CDK14: variants seen among roughly 807,000 people sequenced by gnomAD.
The protein encoded by CDK14 is cyclin dependent kinase 14, also known as cyclin-dependent kinase 14.
CDK14 carries 34 observed loss-of-function variants against 60.7 expected under a neutral mutation model. The ratio of observed to expected loss-of-function variants is 0.56; its 90% CI spans 0.43 to 0.75. CDK14 has a LOEUF of 0.75. Ranked by LOEUF, CDK14 falls within the 30% of genes least tolerant of loss-of-function variation. CDK14 has a pLI of 0.00. For missense variants in CDK14, 482 were observed against 564.1 expected, an observed-to-expected ratio of 0.85 and a Z score of 1.47; for synonymous variants, 197 against 203.7, an observed-to-expected ratio of 0.97 and a Z score of 0.28.
At chr7:90,957,282 T>C (rs1191878886) in intron 9 of CDK14, among the ~76,000 whole-genome samples, 10 of 152,124 alleles carry the variant, frequency 6.6e-5, no homozygotes, top group South Asian at 4.2e-4. Context: ...ACCTGTTGTT[T>C]CCTGACTTTT....
At chr7:90,669,213 G>T (rs1801051373) in intron 2 of CDK14, among the ~76,000 whole-genome samples, 1 of 152,100 alleles carries the variant, frequency 6.6e-6, no homozygotes. Context: ...TCTATGAAAG[G>T]ACAAAGTCTC....
chr7:90,793,928 C>G (rs1805936168), intron 5 of CDK14, among the ~76,000 whole-genome samples: 1 of 152,212 alleles, frequency 6.6e-6, no homozygotes, highest in African/African-American at 2.4e-5. Context: ...AGTCTCTGCT[C>G]TAATACAATA....
In CDK14 at chr7:91,112,656, G is replaced by T. The variant is rs775794454; in HGVS notation, c.1269G>T (p.Pro423=). The change falls in exon 13 of 15, where the codon CCG becomes CCT. Residue 423 remains proline, a synonymous_variant. Coordinates refer to ENST00000380050, the MANE Select transcript of CDK14 (RefSeq NM_001287135.2). ...ALSHEYFSDL[P]PRLWELTDMS... ...GCCACGAGTATTTTAGTGACCTGCC[G>T]CCACGGCTATGGGAACTCACCGACA... 2 of 1,613,578 alleles carry T rather than the reference G, an allele frequency of 1.2e-6. No individual in the cohort carries two copies. The highest frequency in any genetic ancestry group is 1.7e-6 in the Non-Finnish European group (2 of 1,179,818).
At chr7:90,683,142 G>A (rs1801355017) in intron 2 of CDK14, among the ~76,000 whole-genome samples, 1 of 152,186 alleles carries the variant, frequency 6.6e-6, no homozygotes, top group African/African-American at 2.4e-5. Flanking sequence ...TGTCTTTACT[G>A]TGGTGGTTAC....
chr7:90,802,665 G>C lies in CDK14; in HGVS notation c.544+12013G>C, dbSNP rs145000284. On this transcript the variant is annotated intron_variant, in intron 5 of 14. Coordinates refer to ENST00000380050, the MANE Select transcript of CDK14 (RefSeq NM_001287135.2). The stretch of plus-strand genomic sequence containing the variant: ...TCATTTTCCATTTCTTAAAGAGGAT[G>C]AAAATACGACTCAACTTACAGGCTT... 7.9e-5 allele frequency among the ~76,000 whole-genome samples: 12 copies of C among 152,232 alleles called. No individual in the cohort carries two copies. In the East Asian group the frequency reaches 1.4e-3, roughly 17 times the overall value.
At chr7:90,820,865 T>TTGCC (rs1789521971) in intron 5 of CDK14, among the ~76,000 whole-genome samples, 1 of 152,172 alleles carries the variant, frequency 6.6e-6, no homozygotes, top group Non-Finnish European at 1.5e-5. Flanking sequence ...AGACCACGTA[T>TTGCC]CCCAATTGCC....
At chr7:90,919,079 A>G (rs1024236885) in intron 8 of CDK14, among the ~76,000 whole-genome samples, 2 of 152,128 alleles carry the variant, frequency 1.3e-5, no homozygotes, top group Admixed American at 6.5e-5. Context: ...TAGTGGGTGG[A>G]GGAGAGAAGG....
At chr7:90,910,770 CT>C (rs1584113977) in intron 7 of CDK14, among the ~76,000 whole-genome samples, 1 of 152,018 alleles carries the variant, frequency 6.6e-6, no homozygotes, top group Non-Finnish European at 1.5e-5. Context: ...CTTAATTCCT[CT>C]TTTTTTAAAA....
chr7:90,686,620 A>G (rs1292820147), intron 2 of CDK14, among the ~76,000 whole-genome samples: 2 of 152,198 alleles, frequency 1.3e-5, no homozygotes, highest in African/African-American at 4.8e-5. Context: ...ACTGTATCCC[A>G]TTCCCTATCA....
At chr7:90,621,244 C>A (rs376133883) in intron 2 of CDK14, among the ~76,000 whole-genome samples, 1 of 152,142 alleles carries the variant, frequency 6.6e-6, no homozygotes, top group East Asian at 1.9e-4. Flanking sequence ...CTTCTTGGTT[C>A]CCTTTCTTGT....
intron 10 of CDK14, among the ~76,000 whole-genome samples, chr7:90,989,305 A>AACATGG (rs1346316454): frequency 6.6e-6 from 1 of 152,166 alleles, no homozygotes; most frequent in East Asian, 1.9e-4. Flanking sequence ...AAGTGGATGT[A>AACATGG]TTATAACAGC....
intron 5 of CDK14, among the ~76,000 whole-genome samples, chr7:90,799,621 C>T (rs528522535): frequency 2.1e-3 from 278 of 130,956 alleles, no homozygotes; most frequent in Non-Finnish European, 3.7e-3. Flanking sequence ...ACCTGGGAGG[C>T]AGAGGTTGTA....
At position 90,837,949 on chromosome 7, in the gene CDK14, G is replaced by A. The variant is rs1369058578; in HGVS notation, c.545-25226G>A. Among the ~76,000 whole-genome samples the A allele has an allele frequency of 2.6e-5, 4 of 152,106 alleles. No individual in the cohort carries two copies. In the South Asian group the frequency reaches 8.3e-4, roughly 32 times the overall value. The stretch of plus-strand genomic sequence containing the variant: ...GATTGTGGTGAGGAGGGGAAAGGAT[G>A]TGTTGTTTGGAAAAACATATGTAGG... On this transcript the variant is annotated intron_variant, in intron 5 of 14. Transcript: ENST00000380050.
intron 14 of CDK14, among the ~76,000 whole-genome samples, chr7:91,146,544 C>T (rs1800645655): frequency 6.6e-6 from 1 of 152,136 alleles, no homozygotes. Flanking sequence ...ATTGGAGAAA[C>T]ATGTTCCTAA....
chr7:90,962,451 A>G (rs983412655), intron 9 of CDK14, among the ~76,000 whole-genome samples: 1 of 151,918 alleles, frequency 6.6e-6, no homozygotes, highest in Non-Finnish European at 1.5e-5. Context: ...GCACCATCGC[A>G]CTCCAGCCTG....
At chr7:90,876,365 C>T (rs1562808630) in intron 6 of CDK14, among the ~76,000 whole-genome samples, 1 of 152,092 alleles carries the variant, frequency 6.6e-6, no homozygotes, top group African/African-American at 2.4e-5. Flanking sequence ...GTTTGGACAC[C>T]CTCTGTTTTT....
At position 90,635,306 on chromosome 7, in the gene CDK14, T is replaced by G. The variant is rs202090868; in HGVS notation, c.123+31057T>G. 2.0e-5 allele frequency among the ~76,000 whole-genome samples: 3 copies of G among 152,238 alleles called. No homozygotes were observed. The East Asian group carries it at 5.8e-4, about 29-fold the overall frequency. ...TCTTTAATCCATCTTGAATTAATTT[T>G]TGTATAAGGTGTAAGGAAGGGATCC... On this transcript the variant is annotated intron_variant, in intron 2 of 14. Coordinates refer to ENST00000380050, the MANE Select transcript of CDK14 (RefSeq NM_001287135.2).
chr7:91,008,146 C>CAA (rs1394465227), intron 10 of CDK14, among the ~76,000 whole-genome samples: 2 of 84,122 alleles, frequency 2.4e-5, no homozygotes, highest in Admixed American at 1.2e-4. Flanking sequence ...AAAAAAAAAA[C>CAA]AAACAAAAAA....
At chr7:91,062,375 C>T (rs1030047564) in intron 11 of CDK14, among the ~76,000 whole-genome samples, 4 of 152,112 alleles carry the variant, frequency 2.6e-5, no homozygotes, top group Admixed American at 6.5e-5. Context: ...CTACCTGCTT[C>T]GGCTCACACT....
Sources: allele counts gnomAD v4.1 joint callset (sites outside exome capture counted in the v4.1 genomes callset), GRCh38; gene constraint gnomAD v4.1.1; transcripts MANE v1.5; gene names NCBI Gene and HGNC (gene_info 2026-07-23, HGNC 2026-07-21).